CABLES1: variants seen among roughly 807,000 people sequenced by gnomAD.
CABLES1 encodes CDK5 and ABL1 enzyme substrate 1.
A neutral mutation model predicts 57.8 loss-of-function variants in CABLES1; 36 were observed. That is an observed-to-expected ratio of 0.62 (90% confidence interval 0.48 to 0.82). The LOEUF is 0.82. CABLES1 is among the 40% of genes least tolerant of loss of function. The pLI, the probability that CABLES1 is intolerant of heterozygous loss-of-function variation, is 0.00. For missense variants in CABLES1, 767 were observed against 836.6 expected, an observed-to-expected ratio of 0.92 and a Z score of 1.03; for synonymous variants, 374 against 363.0, an observed-to-expected ratio of 1.03 and a Z score of -0.35.
intron 2 of CABLES1, among the ~76,000 whole-genome samples, chr18:23,190,976 G>A (rs918632351): frequency 6.6e-6 from 1 of 151,192 alleles, no homozygotes; most frequent in East Asian, 1.9e-4. Flanking sequence ...GGGCACGGTG[G>A]CTCACACCTG....
intron 7 of CABLES1, among the ~76,000 whole-genome samples, 180 bp downstream of exon 7, chr18:23,237,425 C>T (rs2047630481): frequency 6.6e-6 from 1 of 152,238 alleles, no homozygotes; most frequent in Non-Finnish European, 1.5e-5. Flanking sequence ...CTGCTGGCCA[C>T]CTGGCCTGCA....
In CABLES1 at chr18:23,257,791, A is replaced by G. The variant is rs887634920; in HGVS notation, c.*424A>G. ...GAAGTTGGGGGAAAACTTTTAAAAG[A>G]TACCCTCATTGTGTCAAAGAGTGTG... On this transcript the variant is annotated 3_prime_UTR_variant, in exon 10 of 10. Coordinates refer to ENST00000256925, the MANE Select transcript of CABLES1 (RefSeq NM_001100619.3). The G allele has an allele frequency of 1.3e-5, 2 of 159,392 alleles. No homozygotes were observed. The highest frequency in any genetic ancestry group is 4.8e-5 in the African/African-American group (2 of 41,658). 9.9% of individuals were successfully genotyped at this position (159,392 alleles called of 1,614,324 possible).
chr18:23,136,453 G>A lies in CABLES1; in HGVS notation c.691G>A (p.Gly231Arg), dbSNP rs1392113295. The part of the protein sequence containing the change: ...AAAFLGSGTP[G>R]SGSGSRGRLN... ...CGCCTTTTTGGGCTCCGGGACCCCC[G>A]GGAGTGGGAGCGGCAGTCGGGGACG... The change falls in exon 1 of 10, where the codon GGG (glycine) becomes AGG (arginine). Residue 231 changes from glycine (G) to arginine (R), a missense_variant. Coordinates refer to ENST00000256925, the MANE Select transcript of CABLES1 (RefSeq NM_001100619.3). 1 of 1,604,174 alleles carries A rather than the reference G, an allele frequency of 6.2e-7. No individual in the cohort carries two copies. The highest frequency in any genetic ancestry group is 8.5e-7 in the Non-Finnish European group (1 of 1,177,094).
intron 1 of CABLES1, among the ~76,000 whole-genome samples, chr18:23,165,065 G>A (rs1349947148): frequency 1.3e-5 from 2 of 152,036 alleles, no homozygotes; most frequent in Non-Finnish European, 2.9e-5. Flanking sequence ...GAGCCACCAT[G>A]TCCGGCCTTA....
chr18:23,257,007 G>A (rs1027715304), intron 9 of CABLES1, among the ~76,000 whole-genome samples: 8 of 152,184 alleles, frequency 5.3e-5, no homozygotes, highest in Non-Finnish European at 1.0e-4. Context: ...AGATGTATGT[G>A]TGGTTCCGGG....
intron 1 of CABLES1, among the ~76,000 whole-genome samples, chr18:23,142,825 A>G (rs1285473398): frequency 6.6e-6 from 1 of 152,042 alleles, no homozygotes; most frequent in Non-Finnish European, 1.5e-5. Flanking sequence ...GGGTGCAGGG[A>G]CGTTTCACAC....
At chr18:23,224,722 C>T (rs1023791002) in intron 4 of CABLES1, among the ~76,000 whole-genome samples, 1 of 151,876 alleles carries the variant, frequency 6.6e-6, no homozygotes. Flanking sequence ...GTGCCCGCCA[C>T]TACACCCGGC....
chr18:23,139,121 G>A (rs917452816), intron 1 of CABLES1, among the ~76,000 whole-genome samples: 2 of 152,086 alleles, frequency 1.3e-5, no homozygotes, highest in African/African-American at 4.8e-5. Context: ...ATGTCGGGCC[G>A]GGTGTGGTGG....
At chr18:23,166,658 A>G (rs1411094760) in intron 1 of CABLES1, among the ~76,000 whole-genome samples, 1 of 152,238 alleles carries the variant, frequency 6.6e-6, no homozygotes, top group Admixed American at 6.5e-5. Flanking sequence ...ACACGCACAC[A>G]CAGGTGGGTT....
intron 1 of CABLES1, among the ~76,000 whole-genome samples, chr18:23,148,858 T>C (rs1386664212): frequency 1.3e-5 from 2 of 152,154 alleles, no homozygotes; most frequent in Non-Finnish European, 2.9e-5. Flanking sequence ...TTTTCAAAAG[T>C]GGTGACAGGT....
intron 7 of CABLES1, among the ~76,000 whole-genome samples, chr18:23,244,770 C>T (rs1362160272): frequency 1.3e-5 from 2 of 152,170 alleles, no homozygotes; most frequent in South Asian, 2.1e-4. Flanking sequence ...AGGCTTGCAG[C>T]GGCTGCATAC....
intron 9 of CABLES1, among the ~76,000 whole-genome samples, chr18:23,254,387 C>A (rs1568096500): frequency 6.6e-6 from 1 of 152,136 alleles, no homozygotes; most frequent in East Asian, 1.9e-4. Context: ...AAGGAGAGCC[C>A]TAGCAAAGCA....
In CABLES1 at chr18:23,172,502, C is replaced by G. The variant is rs922697434; in HGVS notation, c.846-16336C>G. ...CACCATTAAACACCCTTAGGAAAAT[C>G]AGTGGTAGTCAATTGCATTTATTTT... On this transcript the variant is annotated intron_variant, in intron 1 of 9. Transcript: ENST00000256925. 5.3e-5 allele frequency among the ~76,000 whole-genome samples: 8 copies of G among 152,336 alleles called. No homozygotes were observed. In the East Asian group the frequency reaches 1.3e-3, roughly 26 times the overall value.
At position 23,258,925 on chromosome 18, in the gene CABLES1, TGA is replaced by T. The variant is rs1433984199; in HGVS notation, c.*1560_*1561del. The T allele has an allele frequency of 1.7e-4, 26 of 151,430 alleles. No individual in the cohort carries two copies. Among genetic ancestry groups the T allele is most frequent in the African/African-American group, 4.6e-4 (19 of 41,098 alleles). 9.4% of individuals were successfully genotyped at this position (151,430 alleles called of 1,614,324 possible). ...GCTTCTTCAGAATCTTAGATTGCAC[TGA>T]GTTTAGTCCTAAATATTTTGCTAAC... On this transcript the variant is annotated 3_prime_UTR_variant, in exon 10 of 10. Coordinates refer to ENST00000256925, the MANE Select transcript of CABLES1 (RefSeq NM_001100619.3).
At chr18:23,143,724 T>C (rs938974994) in intron 1 of CABLES1, among the ~76,000 whole-genome samples, 8 of 152,050 alleles carry the variant, frequency 5.3e-5, no homozygotes, top group Non-Finnish European at 1.0e-4. Context: ...GCAGGTCCCC[T>C]TGGCCCCTTC....
At chr18:23,235,854 C>G (rs770965597) in intron 5 of CABLES1, 41 bp from the exon 6 acceptor site, 8 of 1,598,658 alleles carry the variant, frequency 5.0e-6, no homozygotes, top group Non-Finnish European at 6.9e-6. Context: ...CTAGCAATGC[C>G]TGGGAATAAT....
intron 1 of CABLES1, chr18:23,155,945 T>A: frequency 6.2e-7 from 1 of 1,614,198 alleles, no homozygotes; most frequent in Non-Finnish European, 8.5e-7. Flanking sequence ...ATATGCTGAT[T>A]TTCCCATGTA....
intron 3 of CABLES1, among the ~76,000 whole-genome samples, chr18:23,211,201 A>C (rs2047402300): frequency 6.6e-6 from 1 of 152,132 alleles, no homozygotes; most frequent in Non-Finnish European, 1.5e-5. Flanking sequence ...TGTTCTATTA[A>C]ATACGTCCAA....
rs751362226 is a variant in CABLES1 at position 23,135,928 on chromosome 18, C to T, written c.166C>T (p.Arg56Cys). 104 of 1,106,390 alleles carry T rather than the reference C, an allele frequency of 9.4e-5. 1 individual carries two copies. Among genetic ancestry groups the T allele is most frequent in the Admixed American group, 4.9e-4 (10 of 20,504 alleles). The allele number at this position is 1,106,390 out of a possible 1,614,324, so 68.5% of individuals were successfully genotyped here. ...GCCGCCCGAACCCCCCCGGAAGCCG[C>T]GCATGGACCCGCGGCGCCGCCAGGC... ...QPPPEPPRKP[R>C]MDPRRRQAAL... Residue 56 changes from arginine to cysteine, a missense_variant, in exon 1 of 10, where the codon CGC (arginine) becomes TGC (cysteine). Arg to Cys is a radical substitution (Grantham distance 180, BLOSUM62 -3). This residue lies in a region of CABLES1 where 198 missense variants were observed against 149.7 expected (regional missense o/e 1.32). Coordinates refer to ENST00000256925, the MANE Select transcript of CABLES1 (RefSeq NM_001100619.3).
Sources: allele counts gnomAD v4.1 joint callset (sites outside exome capture counted in the v4.1 genomes callset), GRCh38; gene constraint gnomAD v4.1.1; regional missense constraint gnomAD v4.1.1; transcripts MANE v1.5; gene names NCBI Gene and HGNC (gene_info 2026-07-23, HGNC 2026-07-21).